Variants in AOAH observed in about 807,000 individuals in gnomAD.
The protein encoded by AOAH is acyloxyacyl hydrolase (neutrophil).
AOAH carries 64 observed loss-of-function variants against 92.2 expected under a neutral mutation model. The observed-to-expected ratio is 0.69, with a 90% CI of 0.57 to 0.86. The LOEUF (loss-of-function observed/expected upper bound fraction) is 0.86. AOAH is among the 40% of genes least tolerant of loss of function. AOAH has a pLI of 0.00. For synonymous variants in AOAH, 263 were observed against 254.5 expected (o/e 1.03, Z -0.32); for missense variants, 656 against 694.6 (o/e 0.94, Z 0.62).
intron 3 of AOAH, among the ~76,000 whole-genome samples, chr7:36,661,924 A>G (rs985714807): frequency 1.3e-5 from 2 of 152,248 alleles, no homozygotes; most frequent in African/African-American, 4.8e-5. Flanking sequence ...GATAAAAAGC[A>G]AAGAAAACAA....
intron 13 of AOAH, among the ~76,000 whole-genome samples, chr7:36,563,762 A>C (rs983429682): frequency 6.6e-6 from 1 of 152,216 alleles, no homozygotes; most frequent in Non-Finnish European, 1.5e-5. Flanking sequence ...AGGTAGTTTC[A>C]GGAGAATGAT....
chr7:36,523,159 G>T (rs1489324237), intron 19 of AOAH, among the ~76,000 whole-genome samples: 1 of 152,174 alleles, frequency 6.6e-6, no homozygotes, highest in South Asian at 2.1e-4. Flanking sequence ...TCATACTGAT[G>T]GTTTGGAGTC....
chr7:36,612,893 A>G (rs1791567452), intron 11 of AOAH, among the ~76,000 whole-genome samples: 2 of 152,188 alleles, frequency 1.3e-5, no homozygotes, highest in South Asian at 4.1e-4. Context: ...TGCTACGTAG[A>G]AACTCTGTTA....
chr7:36,710,813 G>A (rs1397331811), intron 1 of AOAH, among the ~76,000 whole-genome samples: 2 of 152,112 alleles, frequency 1.3e-5, no homozygotes, highest in East Asian at 3.8e-4. Context: ...CACAACTTCT[G>A]GAGCACAGTT....
intron 4 of AOAH, 47 bp downstream of exon 4, chr7:36,659,119 C>T (rs1445140361): frequency 2.7e-6 from 4 of 1,489,376 alleles, no homozygotes; most frequent in Non-Finnish European, 2.8e-6. Context: ...TTTCCAAAAG[C>T]CTTGCATGTC....
chr7:36,695,725 G>T (rs1393770700), intron 1 of AOAH, among the ~76,000 whole-genome samples: 2 of 152,056 alleles, frequency 1.3e-5, no homozygotes, highest in Non-Finnish European at 2.9e-5. Context: ...AACATCTATG[G>T]GATTTGCAAG....
At chr7:36,622,575 A>G (rs1256343356) in intron 7 of AOAH, among the ~76,000 whole-genome samples, 1 of 152,188 alleles carries the variant, frequency 6.6e-6, no homozygotes, top group Non-Finnish European at 1.5e-5. Flanking sequence ...ACACACACAC[A>G]CACGTTAAAA....
intron 4 of AOAH, among the ~76,000 whole-genome samples, chr7:36,658,850 G>C (rs1462232514): frequency 6.6e-6 from 1 of 152,178 alleles, no homozygotes; most frequent in African/African-American, 2.4e-5. Flanking sequence ...CACTCTGTGA[G>C]AGTGACTTGC....
intron 1 of AOAH, among the ~76,000 whole-genome samples, chr7:36,700,476 T>C (rs1303554207): frequency 6.6e-6 from 1 of 152,086 alleles, no homozygotes; most frequent in Non-Finnish European, 1.5e-5. Context: ...TCCAGTTCCA[T>C]CCATGTTGTT....
At chr7:36,555,299 G>A (rs368510573) in intron 13 of AOAH, among the ~76,000 whole-genome samples, 13 of 152,234 alleles carry the variant, frequency 8.5e-5, no homozygotes, top group East Asian at 7.7e-4. Context: ...ATTGACTTGC[G>A]CATACTGAAC....
Position 36,527,577 on chromosome 7 carries a change from C to T in AOAH, c.1522+2841G>A, listed in dbSNP as rs969120968. On this transcript the variant is annotated intron_variant, in intron 19 of 20. Transcript: ENST00000617537. ...GAGTGAAGGAGTTGCTTCATACACA[C>T]GGATGATGGTGGTGGCGGGGGACGG... Among the ~76,000 whole-genome samples, 13 of 151,622 alleles carry T rather than the reference C, an allele frequency of 8.6e-5. No individual in the cohort carries two copies. The East Asian group carries it at 2.3e-3, about 27-fold the overall frequency.
chr7:36,719,557 A>T (rs968650357), intron 1 of AOAH, among the ~76,000 whole-genome samples: 1 of 152,224 alleles, frequency 6.6e-6, no homozygotes. Context: ...TGATCTTACA[A>T]ATCAAGGCAA....
At chr7:36,650,907 T>C (rs915123414) in intron 4 of AOAH, among the ~76,000 whole-genome samples, 1 of 152,214 alleles carries the variant, frequency 6.6e-6, no homozygotes, top group Non-Finnish European at 1.5e-5. Flanking sequence ...AAAGGGGACC[T>C]TCTTCAGAGA....
chr7:36,681,757 C>T (rs1375827230), intron 2 of AOAH, among the ~76,000 whole-genome samples: 2 of 152,022 alleles, frequency 1.3e-5, no homozygotes, highest in South Asian at 2.1e-4. Context: ...GCCGAGATTG[C>T]GCCACTGCAC....
intron 13 of AOAH, among the ~76,000 whole-genome samples, chr7:36,552,828 G>C (rs182444760): frequency 6.6e-6 from 1 of 152,182 alleles, no homozygotes; most frequent in African/African-American, 2.4e-5. Flanking sequence ...TATGGTATTT[G>C]GTTTTCTGTT....
In AOAH at chr7:36,540,354, A is replaced by G. The variant is rs1287961831; in HGVS notation, c.1271T>C (p.Leu424Pro). 5.0e-6 allele frequency: 8 copies of G among 1,613,304 alleles called. No individual in the cohort carries two copies. The highest frequency in any genetic ancestry group is 6.8e-6 in the Non-Finnish European group (8 of 1,179,788). ...ATATCTGTTGTGCAAATTATCCCAG[A>G]GAAAGGTTCCATCTGGTAAGCCATA... ...ILYGLPDGTFLWDNLHNRYHP... is the reference protein window; with the variant it reads ...ILYGLPDGTFPWDNLHNRYHP... Residue 424 changes from leucine (L) to proline (P), a missense_variant, in exon 16 of 21, where the codon CTC becomes CCC. Transcript: ENST00000617537.
chr7:36,541,801 T>C (rs958711118), intron 15 of AOAH, among the ~76,000 whole-genome samples: 5 of 152,248 alleles, frequency 3.3e-5, no homozygotes, highest in African/African-American at 7.2e-5. Context: ...CTTTGTACAA[T>C]TGACTTTTGC....
At chr7:36,612,337 C>T (rs575426390) in intron 11 of AOAH, among the ~76,000 whole-genome samples, 5 of 152,024 alleles carry the variant, frequency 3.3e-5, no homozygotes, top group South Asian at 2.1e-4. Context: ...GTTGCTTAAC[C>T]GATTATCATA....
At chr7:36,717,511 G>A (rs527971087) in intron 1 of AOAH, among the ~76,000 whole-genome samples, 2 of 152,126 alleles carry the variant, frequency 1.3e-5, no homozygotes, top group South Asian at 4.1e-4. Flanking sequence ...GCTTTTGGGA[G>A]CCAGTAGTCA....
Sources: gnomAD v4.1 joint callset for allele counts (sites outside exome capture counted in the v4.1 genomes callset) on GRCh38, gnomAD v4.1.1 for gene constraint, MANE v1.5 for transcripts, NCBI Gene and HGNC (gene_info 2026-07-23, HGNC 2026-07-21) for gene names.